The following SPIRE1 variants were observed in gnomAD, a reference collection of about 807,000 sequenced individuals.
SPIRE1 encodes the protein protein spire homolog 1.
SPIRE1 carries 40 observed loss-of-function variants against 94.1 expected under a neutral mutation model. That is an observed-to-expected ratio of 0.43 (90% confidence interval 0.33 to 0.55). SPIRE1 has a LOEUF of 0.55. SPIRE1 is among the 20% of genes least tolerant of loss of function. SPIRE1 has a pLI of 0.06. For synonymous variants in SPIRE1, 376 were observed against 371.7 expected, an observed-to-expected ratio of 1.01 and a Z score of -0.13; for missense variants, 838 against 975.2, an observed-to-expected ratio of 0.86 and a Z score of 1.87.
In SPIRE1 at chr18:12,555,343, T is replaced by G. The variant is rs375907426; in HGVS notation, c.373-8439A>C. Among the ~76,000 whole-genome samples the G allele has an allele frequency of 2.8e-4, 42 of 151,918 alleles. No individual in the cohort carries two copies. The South Asian group carries it at 6.9e-3, about 25-fold the overall frequency. Reference sequence around the variant, plus strand: ...AATTTTTTTTTGGATACTGAATACCTAATTATTAAAAAAGAAAAATAAAAA... The same window carrying G: ...AATTTTTTTTTGGATACTGAATACCGAATTATTAAAAAAGAAAAATAAAAA... On this transcript the variant is annotated intron_variant, in intron 2 of 16. Transcript: ENST00000409402.
At chr18:12,654,357 A>G (rs1342397622) in intron 1 of SPIRE1, among the ~76,000 whole-genome samples, 1 of 116,924 alleles carries the variant, frequency 8.6e-6, no homozygotes. Context: ...AAAAAAAAAA[A>G]AAAATTTGGC....
chr18:12,595,757 T>C (rs546156273), intron 2 of SPIRE1, among the ~76,000 whole-genome samples: 1 of 152,326 alleles, frequency 6.6e-6, no homozygotes, highest in South Asian at 2.1e-4. Context: ...ATACATACAA[T>C]GTGTGCTGTG....
chr18:12,464,202 T>G (rs1408615995), intron 11 of SPIRE1, among the ~76,000 whole-genome samples: 1 of 152,094 alleles, frequency 6.6e-6, no homozygotes, highest in Non-Finnish European at 1.5e-5. Flanking sequence ...ATTTCCACAG[T>G]CAAGAAAAGA....
chr18:12,562,405 C>T (rs1330487032), intron 2 of SPIRE1, among the ~76,000 whole-genome samples: 2 of 148,942 alleles, frequency 1.3e-5, no homozygotes, highest in Non-Finnish European at 3.0e-5. Flanking sequence ...CCATCTCAGC[C>T]TCCAGAGTAG....
chr18:12,658,747 A>T, upstream of SPIRE1: 1 of 385,812 alleles, frequency 2.6e-6, no homozygotes, highest in South Asian at 1.9e-5. Context: ...CTGGTTGAAT[A>T]CCTCCCTCTC....
intron 8 of SPIRE1, among the ~76,000 whole-genome samples, chr18:12,491,276 T>C (rs1386383027): frequency 8.0e-6 from 1 of 124,704 alleles, no homozygotes; most frequent in African/African-American, 4.6e-5. Flanking sequence ...TGGTATTTTT[T>C]ACAGAAGTAG....
chr18:12,492,877 A>T (rs1291209633), intron 8 of SPIRE1, among the ~76,000 whole-genome samples, 195 bp downstream of exon 8: 1 of 152,152 alleles, frequency 6.6e-6, no homozygotes, highest in Non-Finnish European at 1.5e-5. Flanking sequence ...ATAAATTTCA[A>T]GTAAGTGTGA....
intron 2 of SPIRE1, among the ~76,000 whole-genome samples, chr18:12,605,076 G>C (rs9955447): frequency 5.5e-4 from 83 of 152,266 alleles, no homozygotes; most frequent in African/African-American, 1.8e-3. Context: ...GTGGCTGTTG[G>C]GGAAAAGGAA....
rs532159926 is a variant in SPIRE1 at position 12,546,607 on chromosome 18, G to A, written c.603+67C>T. 1.9e-3 allele frequency: 2,287 copies of A among 1,193,466 alleles called. 7 individuals carry two copies. The highest frequency in any genetic ancestry group is 2.3e-3 in the Non-Finnish European group (1,915 of 815,042). The allele number at this position is 1,193,466 out of a possible 1,614,324, so 73.9% of individuals were successfully genotyped here. A position where few individuals can be genotyped will look rare whatever the true frequency, so the allele number is the denominator to read the frequency against. On this transcript the variant is annotated intron_variant, in intron 3 of 16. Transcript: ENST00000409402. ...CAGAGTGAGACCATCTCTCCAGGGG[G>A]GGAAAAAAAAGAAGAAGAAATAACA...
chr18:12,613,667 A>T (rs1334100646), intron 2 of SPIRE1, among the ~76,000 whole-genome samples: 1 of 152,214 alleles, frequency 6.6e-6, no homozygotes, highest in Non-Finnish European at 1.5e-5. Context: ...TGGAAGGCCA[A>T]GGTGGGAGGA....
intron 5 of SPIRE1, among the ~76,000 whole-genome samples, chr18:12,511,889 A>C (rs2034045284): frequency 6.6e-6 from 1 of 151,920 alleles, no homozygotes; most frequent in African/African-American, 2.4e-5. Context: ...CAGCCCGGCT[A>C]ATTTTTTTAT....
chr18:12,648,517 T>G (rs2038286611), intron 1 of SPIRE1, among the ~76,000 whole-genome samples: 1 of 151,878 alleles, frequency 6.6e-6, no homozygotes, highest in Non-Finnish European at 1.5e-5. Flanking sequence ...CATGATAAAC[T>G]GTCACAGACC....
At position 12,489,688 on chromosome 18, in the gene SPIRE1, T is replaced by C. The variant is rs1167404766; in HGVS notation, c.1189+3384A>G. On this transcript the variant is annotated intron_variant, in intron 8 of 16. Transcript: ENST00000409402. The stretch of plus-strand genomic sequence containing the variant: ...AATAAAACCCAATTTAGCCATCTGT[T>C]AGGAGATCACATCCTTATAAATCGT... 2.6e-5 allele frequency among the ~76,000 whole-genome samples: 4 copies of C among 152,214 alleles called. No homozygotes were observed. The East Asian group carries it at 7.7e-4, about 29-fold the overall frequency.
chr18:12,461,097 C>T (rs1287893141), intron 12 of SPIRE1, among the ~76,000 whole-genome samples: 3 of 152,022 alleles, frequency 2.0e-5, no homozygotes, highest in Non-Finnish European at 4.4e-5. Flanking sequence ...AAACAGTGCA[C>T]GGCCTGACCT....
At chr18:12,520,280 T>A (rs2034321645) in intron 4 of SPIRE1, among the ~76,000 whole-genome samples, 1 of 151,828 alleles carries the variant, frequency 6.6e-6, no homozygotes. Context: ...ATAGGGAGAG[T>A]GTGAGTAGTA....
At chr18:12,590,468 C>A (rs1022838962) in intron 2 of SPIRE1, among the ~76,000 whole-genome samples, 1 of 151,926 alleles carries the variant, frequency 6.6e-6, no homozygotes, top group Non-Finnish European at 1.5e-5. Context: ...CAATTTTTCC[C>A]ATAGAAAAAG....
intron 4 of SPIRE1, among the ~76,000 whole-genome samples, chr18:12,518,381 A>T (rs1482821434): frequency 6.6e-6 from 1 of 152,108 alleles, no homozygotes; most frequent in African/African-American, 2.4e-5. Context: ...TAATCCCAGC[A>T]CTTTGGGAGG....
intron 6 of SPIRE1, among the ~76,000 whole-genome samples, chr18:12,499,303 T>C (rs974854737): frequency 6.6e-6 from 1 of 152,156 alleles, no homozygotes; most frequent in African/African-American, 2.4e-5. Context: ...TTGTTGTAAA[T>C]GGATTGAACA....
At chr18:12,451,731 G>T (rs2031249664) in intron 16 of SPIRE1, among the ~76,000 whole-genome samples, 1 of 152,214 alleles carries the variant, frequency 6.6e-6, no homozygotes, top group East Asian at 1.9e-4. Context: ...CTTTCTTAAG[G>T]CCCAACACTA....
Sources: allele counts gnomAD v4.1 joint callset (sites outside exome capture counted in the v4.1 genomes callset), GRCh38; gene constraint gnomAD v4.1.1; transcripts MANE v1.5; gene names NCBI Gene and HGNC (gene_info 2026-07-23, HGNC 2026-07-21).